NCOR2: variants seen among roughly 807,000 people sequenced by gnomAD.
The protein encoded by NCOR2 is nuclear receptor corepressor 2.
NCOR2 carries 81 observed loss-of-function variants against 262.9 expected under a neutral mutation model. The ratio of observed to expected loss-of-function variants is 0.31; its 90% CI spans 0.26 to 0.37. The LOEUF is 0.37. Among genes scored for constraint, NCOR2 ranks in the 10% least tolerant of loss-of-function variants. The probability of loss-of-function intolerance (pLI) is 1.00; values close to 1 mark genes in which losing one functional copy is unlikely to be tolerated. For missense variants in NCOR2, 3,385 were observed against 3,621.4 expected (o/e 0.93, Z 1.68); for synonymous variants, 1,659 against 1,559.3 (o/e 1.06, Z -1.51).
exon 20 of NCOR2, chr12:124,372,071 T>C: frequency 6.2e-7 from 1 of 1,605,126 alleles, no homozygotes; most frequent in East Asian, 2.2e-5. Context: ...GCACTGCAGG[T>C]AGCACTGGAG....
chr12:124,550,469 A>G (rs1275797190), intron 1 of NCOR2, among the ~76,000 whole-genome samples: 1 of 152,098 alleles, frequency 6.6e-6, no homozygotes, highest in East Asian at 1.9e-4. Context: ...TATATCTCAT[A>G]GCTCCTTCCC....
intron 29 of NCOR2, 129 bp downstream of exon 31, chr12:124,348,045 C>T: frequency 1.3e-6 from 2 of 1,484,242 alleles, no homozygotes; most frequent in South Asian, 2.5e-5. Context: ...ACGGGAAGGT[C>T]CCTGCGCTAC....
chr12:124,462,456 A>G (rs2046214612), intron 5 of NCOR2, among the ~76,000 whole-genome samples: 1 of 152,200 alleles, frequency 6.6e-6, no homozygotes, highest in Non-Finnish European at 1.5e-5. Flanking sequence ...ACAGAGCCCC[A>G]TGCCCATGAG....
In NCOR2 at chr12:124,548,257, GC is replaced by G. The variant is rs1423130368; in HGVS notation, c.-164-12647del. Among the ~76,000 whole-genome samples the G allele has an allele frequency of 1.3e-5, 2 of 152,208 alleles. No individual in the cohort carries two copies. The highest frequency in any genetic ancestry group is 6.5e-5 in the Admixed American group (1 of 15,282). On this transcript the variant is annotated intron_variant, in intron 1 of 32. Transcript: ENST00000458234. This position sits in a 1 kb window ranked among gnomAD's most constrained non-coding sequence, Gnocchi z 5.1. ...GGTGGGGGGAACAACAAACGCGAAG[GC>G]CCAGAGGCAGATGCGGTCGGTGAGG...
At chr12:124,469,363 G>T (rs2046711235) in intron 4 of NCOR2, among the ~76,000 whole-genome samples, 1 of 152,168 alleles carries the variant, frequency 6.6e-6, no homozygotes, top group Non-Finnish European at 1.5e-5. Context: ...GAGCAGAACT[G>T]CCTCAGTCCC....
chr12:124,545,024 G>A (rs11057665), intron 1 of NCOR2, among the ~76,000 whole-genome samples: 61,418 of 151,862 alleles, frequency 0.4, 13,053 homozygotes, highest in Middle Eastern at 0.52. Flanking sequence ...TCTGTAAAAC[G>A]GGGATGATGC....
In NCOR2 at chr12:124,531,622, G is replaced by A. The variant is rs2050783556; in HGVS notation, c.-118+3943C>T. ...GGAGGATGGCAGAGAGGGAAGGGTG[G>A]TGGCGCAGACAGGGAAGGGCAGGGG... On this transcript the variant is annotated intron_variant, in intron 1 of 46. Coordinates refer to the NCOR2 transcript ENST00000404621. The surrounding 1 kb of genome is among the most constrained non-coding windows in gnomAD (Gnocchi z 4.5). Among the ~76,000 whole-genome samples the A allele has an allele frequency of 6.6e-6, 1 of 151,926 alleles. No homozygotes were observed. The highest frequency in any genetic ancestry group is 1.5e-5 in the Non-Finnish European group (1 of 67,968).
chr12:124,396,694 C>T (rs562645364), intron 16 of NCOR2, among the ~76,000 whole-genome samples: 5 of 152,196 alleles, frequency 3.3e-5, no homozygotes, highest in South Asian at 2.1e-4. Flanking sequence ...GGCAGACTGC[C>T]CCCGGAGGAG....
At chr12:124,364,308 G>A (rs1270751770) in intron 20 of NCOR2, among the ~76,000 whole-genome samples, 2 of 152,238 alleles carry the variant, frequency 1.3e-5, no homozygotes, top group Non-Finnish European at 2.9e-5. Flanking sequence ...TCGAATCTGA[G>A]AGGCTCGGGT....
chr12:124,518,201 C>A (rs2049943485), intron 1 of NCOR2: 1 of 152,120 alleles, frequency 6.6e-6, no homozygotes. Context: ...AACTCTCTCA[C>A]AAGAAAAAAA....
intron 1 of NCOR2, among the ~76,000 whole-genome samples, chr12:124,512,927 G>A (rs1040285602): frequency 6.6e-6 from 1 of 152,222 alleles, no homozygotes. Context: ...GCTCATCGAG[G>A]GGGACCAGAC....
chr12:124,480,717 C>T (rs944337366), intron 3 of NCOR2, among the ~76,000 whole-genome samples: 3 of 151,686 alleles, frequency 2.0e-5, no homozygotes, highest in East Asian at 1.9e-4. Context: ...GAAATGGCCA[C>T]GGGCCAAGCA....
Position 124,378,176 on chromosome 12 carries a change from G to A in NCOR2, c.2167+61C>T. 1 of 1,584,920 alleles carries A rather than the reference G, an allele frequency of 6.3e-7. No homozygotes were observed. The highest frequency in any genetic ancestry group is 8.6e-7 in the Non-Finnish European group (1 of 1,164,234). On this transcript the variant is annotated intron_variant, in intron 18 of 46. Transcript: ENST00000405201. This position sits in a 1 kb window ranked among gnomAD's most constrained non-coding sequence, Gnocchi z 4.2. ...GGCTGCCGGGATCAGTTCCCGCTAT[G>A]CCCTCCCTCAGAGCTCGGACCCACA...
At chr12:124,329,679 G>A (rs530990309) in intron 44 of NCOR2, among the ~76,000 whole-genome samples, 124 of 152,186 alleles carry the variant, frequency 8.1e-4, no homozygotes, top group Middle Eastern at 3.2e-3. Flanking sequence ...GGGAGGCGGA[G>A]GCTGCAGTGA....
chr12:124,441,971 C>T (rs747079570), intron 7 of NCOR2, among the ~76,000 whole-genome samples: 96 of 152,316 alleles, frequency 6.3e-4, no homozygotes, highest in Admixed American at 2.4e-3. Flanking sequence ...GAGAAGCCGT[C>T]ACGGGCTGGA....
chr12:124,325,433 G>C (rs767805948), exon 47 of NCOR2: 4 of 1,291,326 alleles, frequency 3.1e-6, no homozygotes, highest in Middle Eastern at 3.1e-4. Context: ...CTCGTACTGC[G>C]AGCAGAGCAG....
At chr12:124,565,952 G>T (rs2052223165) in intron 1 of NCOR2, among the ~76,000 whole-genome samples, 1 of 152,102 alleles carries the variant, frequency 6.6e-6, no homozygotes, top group African/African-American at 2.4e-5. Flanking sequence ...TACACAGCCT[G>T]CCCCGGGTCG....
At position 124,560,493 on chromosome 12, in the gene NCOR2, C is replaced by A. The variant is rs191290774; in HGVS notation, c.-165+6815G>T. 2.9e-3 allele frequency among the ~76,000 whole-genome samples: 443 copies of A among 152,370 alleles called. 1 individual carries two copies. Among genetic ancestry groups the A allele is most frequent in the African/African-American group, 9.6e-3 (400 of 41,582 alleles). On this transcript the variant is annotated intron_variant, in intron 1 of 32. Coordinates refer to the NCOR2 transcript ENST00000458234. ...CATACAGAAACAGGTGGTGGGCTGG[C>A]CGGATTTGGCCCAAGGGCCATAGTT...
At chr12:124,493,702 G>C (rs1174147920) in intron 1 of NCOR2, among the ~76,000 whole-genome samples, 1 of 152,118 alleles carries the variant, frequency 6.6e-6, no homozygotes, top group Non-Finnish European at 1.5e-5. Flanking sequence ...TCTTTTTGTT[G>C]GTGGTGGTGA....
Sources: allele counts gnomAD v4.1 joint callset (sites outside exome capture counted in the v4.1 genomes callset), GRCh38; gene constraint gnomAD v4.1.1; non-coding constraint Gnocchi (gnomAD v3.1); transcripts MANE v1.5; gene names NCBI Gene and HGNC (gene_info 2026-07-23, HGNC 2026-07-21).